Variants in FRAS1 observed in about 807,000 individuals in gnomAD.
FRAS1 encodes the protein Fraser extracellular matrix complex subunit 1, also known as extracellular matrix organizing protein FRAS1.
FRAS1 carries 290 observed loss-of-function variants against 435.2 expected under a neutral mutation model. The ratio of observed to expected loss-of-function variants is 0.67; its 90% CI spans 0.61 to 0.73. The LOEUF is 0.73. FRAS1 is among the 30% of genes least tolerant of loss of function. The pLI is 0.00. For synonymous variants in FRAS1, 1,800 were observed against 1,851.0 expected (o/e 0.97, Z 0.71); for missense variants, 4,860 against 5,001.5 (o/e 0.97, Z 0.85).
Position 78,421,871 on chromosome 4 carries a change from G to T in FRAS1, c.4549G>T (p.Glu1517Ter). The T allele has an allele frequency of 6.2e-7, 1 of 1,613,702 alleles. No individual in the cohort carries two copies. The highest frequency in any genetic ancestry group is 8.5e-7 in the Non-Finnish European group (1 of 1,179,752). Residue 1517 changes from glutamate to a stop codon, truncating the protein, a stop_gained, in exon 34 of 74, where the codon GAG becomes TAG. Transcript: ENST00000512123. LOFTEE classifies it high-confidence loss of function. ...AAATCTCTTCCTCCCAGGTATCATC[G>T]AGCACCGGGACCACCCTCACTCTCC... ...LPLHPNQGII[E>*]HRDHPHSPIR... is the part of the protein sequence containing the mutation.
intron 59 of FRAS1, 78 bp from the exon 60 acceptor site, chr4:78,496,727 G>A (rs970231203): frequency 7.6e-7 from 1 of 1,313,854 alleles, no homozygotes; most frequent in South Asian, 1.3e-5. Flanking sequence ...AAAGAAGAAA[G>A]ATAGTTTTCT....
intron 2 of FRAS1, among the ~76,000 whole-genome samples, chr4:78,100,857 G>C (rs1742089181): frequency 6.6e-6 from 1 of 152,158 alleles, no homozygotes; most frequent in Admixed American, 6.5e-5. Context: ...CAATTTCCTG[G>C]AGAGCACACG....
At position 78,407,774 on chromosome 4, in the gene FRAS1, T is replaced by A. The variant is rs769027612; in HGVS notation, c.4241T>A (p.Ile1414Asn). ...TPTSTFTQQD[I>N]NEGIVWYRHS... ...ACCAGCACCTTCACCCAGCAGGACA[T>A]CAATGAAGGCATCGTATGGTACAGG... Residue 1414 changes from isoleucine (I) to asparagine (N), a missense_variant, in exon 31 of 74, where the codon ATC (isoleucine) becomes AAC (asparagine). Ile to Asn is a moderately radical substitution (Grantham distance 149). Coordinates refer to ENST00000512123, the MANE Select transcript of FRAS1 (RefSeq NM_025074.7). 1.2e-6 allele frequency: 2 copies of A among 1,613,708 alleles called. No homozygotes were observed. Among genetic ancestry groups the A allele is most frequent in the Admixed American group, 3.3e-5 (2 of 59,990 alleles).
In FRAS1 at chr4:78,080,419, G is replaced by A. The variant is rs570693333; in HGVS notation, c.108+14403G>A. ...CTTTGGCCAAATATTTGTGAGGCTT[G>A]TTTCTTTGTAACTGTATAGACTTAA... On this transcript the variant is annotated intron_variant, in intron 2 of 73. Transcript: ENST00000512123. Among the ~76,000 whole-genome samples, 157 of 152,266 alleles carry A rather than the reference G, an allele frequency of 1.0e-3. No homozygotes were observed. In the Middle Eastern group the frequency reaches 0.017, roughly 16 times the overall value.
rs143584894 is a variant in FRAS1 at position 78,128,677 on chromosome 4, G to A, written c.108+62661G>A. Among the ~76,000 whole-genome samples, 1,135 of 152,124 alleles carry A rather than the reference G, an allele frequency of 7.5e-3. 32 individuals carry two copies. The South Asian group carries it at 0.092, about 12-fold the overall frequency. ...TAGCCCTTTGTCAGATGAGTAGATT[G>A]CAAAAATTTCCTCCCCTTCTGTAGG... On this transcript the variant is annotated intron_variant, in intron 2 of 73. Coordinates refer to ENST00000512123, the MANE Select transcript of FRAS1 (RefSeq NM_025074.7).
chr4:78,062,262 C>T (rs1257047418), intron 1 of FRAS1, among the ~76,000 whole-genome samples: 1 of 152,118 alleles, frequency 6.6e-6, no homozygotes, highest in African/African-American at 2.4e-5. Context: ...AACAGTTGGC[C>T]CACTTTCATT....
At chr4:78,477,232 T>C (rs958913766) in intron 54 of FRAS1, among the ~76,000 whole-genome samples, 1 of 152,214 alleles carries the variant, frequency 6.6e-6, no homozygotes, top group African/African-American at 2.4e-5. Flanking sequence ...GTAAGTAATA[T>C]GGTGATACTA....
At chr4:78,126,675 T>C (rs918651536) in intron 2 of FRAS1, among the ~76,000 whole-genome samples, 2 of 152,228 alleles carry the variant, frequency 1.3e-5, no homozygotes, top group Non-Finnish European at 2.9e-5. Flanking sequence ...CTCATTCTAA[T>C]CTTTTGTTTT....
chr4:78,116,253 T>C (rs536509381), intron 2 of FRAS1, among the ~76,000 whole-genome samples: 16 of 152,346 alleles, frequency 1.1e-4, no homozygotes, highest in African/African-American at 3.8e-4. Flanking sequence ...CTTCCAACTA[T>C]GTAGTCAATT....
chr4:78,363,460 A>G, intron 20 of FRAS1, 53 bp from the exon 21 acceptor site: 1 of 1,546,606 alleles, frequency 6.5e-7, no homozygotes, highest in Admixed American at 1.8e-5. Flanking sequence ...CAGTGATGAG[A>G]CTTTGTGCTC....
chr4:78,446,090 A>G, intron 42 of FRAS1: 1 of 1,085,444 alleles, frequency 9.2e-7, no homozygotes. Flanking sequence ...TATTTATTTA[A>G]TTGTAACATC....
Position 78,429,130 on chromosome 4 carries a change from C to G in FRAS1, c.4747C>G (p.Leu1583Val). 5 of 1,570,892 alleles carry G rather than the reference C, an allele frequency of 3.2e-6. No homozygotes were observed. Among genetic ancestry groups the G allele is most frequent in the Non-Finnish European group, 4.3e-6 (5 of 1,157,788 alleles). The change falls in exon 36 of 74, where the codon CTC becomes GTC. Residue 1583 changes from leucine (L) to valine (V), a missense_variant. Transcript: ENST00000512123. ...DGEHTSPEMVLTIHLLPSDQQ... is the reference protein window; with the variant it reads ...DGEHTSPEMVVTIHLLPSDQQ... ...AGAACACACAAGTCCGGAGATGGTC[C>G]TCACCATTCACTTACTTCCCAGTGA...
At chr4:78,238,641 A>G (rs1724864823) in intron 3 of FRAS1, among the ~76,000 whole-genome samples, 1 of 152,038 alleles carries the variant, frequency 6.6e-6, no homozygotes, top group African/African-American at 2.4e-5. Context: ...TTTTTATTGT[A>G]TATTATGGAG....
chr4:78,496,678 C>A, intron 59 of FRAS1, 127 bp from the exon 60 acceptor site: 1 of 915,132 alleles, frequency 1.1e-6, no homozygotes, highest in Non-Finnish European at 1.7e-6. Flanking sequence ...ATAAATGAAA[C>A]TGGATCCTTT....
At chr4:78,202,458 A>C (rs1723083986) in intron 2 of FRAS1, among the ~76,000 whole-genome samples, 1 of 152,274 alleles carries the variant, frequency 6.6e-6, no homozygotes, top group Middle Eastern at 3.4e-3. Flanking sequence ...CTGGAGGCTG[A>C]GGTGGGTGGA....
chr4:78,366,846 G>A (rs774878502), intron 22 of FRAS1, among the ~76,000 whole-genome samples: 4 of 152,154 alleles, frequency 2.6e-5, no homozygotes, highest in South Asian at 2.1e-4. Context: ...GTAATACCAC[G>A]GAAGCTGAGA....
chr4:78,354,943 C>G (rs1257265158), intron 20 of FRAS1, among the ~76,000 whole-genome samples: 1 of 152,168 alleles, frequency 6.6e-6, no homozygotes, highest in Non-Finnish European at 1.5e-5. Context: ...GTAATCCTCA[C>G]TGATCCTTGA....
intron 9 of FRAS1, among the ~76,000 whole-genome samples, chr4:78,269,533 G>A (rs116324087): frequency 0.011 from 1,646 of 152,300 alleles, 10 homozygotes; most frequent in Non-Finnish European, 0.016. Context: ...AGGCAAAGGT[G>A]TGCAGCTTCA....
At chr4:78,337,649 A>G (rs762561703) in intron 19 of FRAS1, 25 bp from the exon 20 acceptor site, 3 of 1,606,768 alleles carry the variant, frequency 1.9e-6, no homozygotes, top group South Asian at 1.1e-5. Context: ...GCTAATTCCA[A>G]TCCTGGTTTT....
Sources: gnomAD v4.1 joint callset for allele counts (sites outside exome capture counted in the v4.1 genomes callset) on GRCh38, gnomAD v4.1.1 for gene constraint, MANE v1.5 for transcripts, NCBI Gene and HGNC (gene_info 2026-07-23, HGNC 2026-07-21) for gene names.